The following XKRX variants were observed in gnomAD, a reference collection of about 807,000 sequenced individuals.
The protein encoded by XKRX is XK-related protein 2.
In XKRX, 11 loss-of-function variants were observed where a neutral mutation model predicts 22.4. The ratio of observed to expected loss-of-function variants is 0.49; its 90% CI spans 0.31 to 0.81. The LOEUF (loss-of-function observed/expected upper bound fraction) is 0.81. Ranked by LOEUF, XKRX falls within the 40% of genes least tolerant of loss-of-function variation. The probability of loss-of-function intolerance (pLI) is 0.05; values close to 1 mark genes in which losing one functional copy is unlikely to be tolerated. For missense variants in XKRX, 320 were observed against 336.5 expected (o/e 0.95, Z 0.38); for synonymous variants, 114 against 132.2 (o/e 0.86, Z 0.94).
chrX:100,943,574 T>A, the XKRX span, among the ~76,000 whole-genome samples: 1 of 111,523 alleles, frequency 9.0e-6, no homozygotes, highest in African/African-American at 3.3e-5. Context: ...CAGCTAATTT[T>A]TGTATTTTTA....
intron 2 of XKRX, among the ~76,000 whole-genome samples, chrX:100,920,517 TG>T (rs1447677284): frequency 1.8e-5 from 2 of 111,190 alleles, no homozygotes; most frequent in African/African-American, 6.5e-5. Flanking sequence ...ATATCTATTC[TG>T]TATGGTTTTT....
intron 2 of XKRX, among the ~76,000 whole-genome samples, chrX:100,920,521 T>C (rs1379171384): frequency 2.7e-5 from 3 of 111,182 alleles, no homozygotes; most frequent in Non-Finnish European, 5.7e-5. Flanking sequence ...CTATTCTGTA[T>C]GGTTTTTAAT....
chrX:100,941,741 A>G, the XKRX span, among the ~76,000 whole-genome samples: 2 of 111,571 alleles, frequency 1.8e-5, no homozygotes, highest in African/African-American at 6.5e-5. Context: ...TATTCTCCCT[A>G]TAAACATTGC....
the XKRX span, among the ~76,000 whole-genome samples, chrX:100,941,357 G>A: frequency 9.0e-6 from 1 of 111,729 alleles, no homozygotes; most frequent in Non-Finnish European, 1.9e-5. Flanking sequence ...GACCAGCCTG[G>A]CCAACATATA....
the XKRX span, among the ~76,000 whole-genome samples, chrX:100,936,553 AAAAAAAAAAAAAAAAAAG>A: frequency 9.8e-6 from 1 of 101,798 alleles, no homozygotes; most frequent in African/African-American, 3.7e-5. Flanking sequence ...AAAAAAAAAA[AAAAAAAAAAAAAAAAAAG>A]AAAAGAAAAG....
chrX:100,951,234 C>CA, the XKRX span, among the ~76,000 whole-genome samples: 8,303 of 25,005 alleles, frequency 0.33, 1,197 homozygotes, highest in Middle Eastern at 0.44. Context: ...GGCTCCATCG[C>CA]AAAAAAAAAA....
rs1489651638 is a variant in XKRX, at chrX:100,922,894, T to C, written c.503A>G (p.Tyr168Cys). 35 of 1,211,431 alleles carry C rather than the reference T, an allele frequency of 2.9e-5. No individual in the cohort carries two copies. The highest frequency in any genetic ancestry group is 3.9e-5 in the Non-Finnish European group (35 of 895,404). The change falls in exon 2 of 3, where the codon TAC (tyrosine) becomes TGC (cysteine). Residue 168 changes from tyrosine to cysteine, a missense_variant. Coordinates refer to ENST00000372956, the MANE Select transcript of XKRX (RefSeq NM_212559.3). ...IRTLAMHRNA[Y>C]KRMSQIQAFL... ...GGCTTGGATCTGTGACATACGTTTG[T>C]AGGCATTGCGGTGCATAGCCAGGGT...
chrX:100,911,198 C>T (rs1437170546), downstream of XKRX: 1 of 697,948 alleles, frequency 1.4e-6, no homozygotes, highest in African/African-American at 2.1e-5. Context: ...TATAAGAAAA[C>T]CACCTAAATA....
rs752368088 is a variant in XKRX at position 100,928,295 on chromosome X, C to G, written c.10G>C (p.Val4Leu). ...TTTGGCTCCTCAGGAATTTCATAAA[C>G]TCTGTCCATTGTCGAGGTTCTTTCT... is the stretch of plus-strand genomic sequence containing the variant. MDRVYEIPEEPNVD... is the reference protein window; with the variant it reads MDRLYEIPEEPNVD... The change falls in exon 1 of 3, where the codon GTT becomes CTT. Residue 4 changes from valine to leucine, a missense_variant. Transcript: ENST00000372956. The G allele has an allele frequency of 2.5e-6, 3 of 1,209,920 alleles. No homozygotes were observed. The highest frequency in any genetic ancestry group is 4.6e-4 in the Middle Eastern group (2 of 4,337).
At chrX:100,916,070 A>C in intron 2 of XKRX, among the ~76,000 whole-genome samples, 1 of 79,480 alleles carries the variant, frequency 1.3e-5, no homozygotes, top group Admixed American at 1.6e-4. Context: ...GTAGATCTTA[A>C]GTTTTACCAC....
intron 2 of XKRX, among the ~76,000 whole-genome samples, chrX:100,919,754 G>A (rs1259345830): frequency 8.9e-6 from 1 of 111,864 alleles, no homozygotes; most frequent in African/African-American, 3.2e-5. Flanking sequence ...TTGAGTTTAA[G>A]ATATGAAGAA....
chrX:100,887,604 C>T, the XKRX span: 1 of 634,626 alleles, frequency 1.6e-6, no homozygotes, highest in Non-Finnish European at 2.6e-6. Context: ...ACTTCTCTGG[C>T]TCTCCTCTCC....
At chrX:100,915,388 T>G (rs2085429364) in intron 2 of XKRX, among the ~76,000 whole-genome samples, 1 of 103,935 alleles carries the variant, frequency 9.6e-6, no homozygotes, top group Non-Finnish European at 2.0e-5. Flanking sequence ...TGGCTATTAT[T>G]AAAAAAAAAA....
At chrX:100,924,071 T>G (rs1486908101) in intron 1 of XKRX, among the ~76,000 whole-genome samples, 1 of 103,528 alleles carries the variant, frequency 9.7e-6, no homozygotes, top group African/African-American at 3.5e-5. Flanking sequence ...AGGCTGGTCT[T>G]GAACTCCTGA....
chrX:100,917,634 G>GAAAGAAAGAAAGAAAGA (rs1556193289), intron 2 of XKRX, among the ~76,000 whole-genome samples: 1 of 49,034 alleles, frequency 2.0e-5, no homozygotes, highest in African/African-American at 1.1e-4. Context: ...GAGAAAGAAA[G>GAAAGAAAGAAAGAAAGA]AAGAAAGAAA....
chrX:100,914,961 T>G lies in XKRX; in HGVS notation c.727A>C (p.Ile243Leu), dbSNP rs1170786371. ...ATCTCCAATGTCCGCCAGATGGTGATGCAGAGGACTTCTAGTGGCCCAAGG... is the reference window on the plus strand; with the variant it reads ...ATCTCCAATGTCCGCCAGATGGTGAGGCAGAGGACTTCTAGTGGCCCAAGG... ...IRLGPLEVLC[I>L]TIWRTLEITS... The change falls in exon 3 of 3, where the codon ATC (isoleucine) becomes CTC (leucine). Residue 243 changes from isoleucine (I) to leucine (L), a missense_variant. Physicochemically the swap from Ile to Leu is conservative, Grantham distance 5. Transcript: ENST00000372956. The G allele has an allele frequency of 8.3e-7, 1 of 1,211,978 alleles. No individual in the cohort carries two copies. Among genetic ancestry groups the G allele is most frequent in the Non-Finnish European group, 1.1e-6 (1 of 895,621 alleles).
At chrX:100,942,594 T>C in the XKRX span, among the ~76,000 whole-genome samples, 1 of 112,029 alleles carries the variant, frequency 8.9e-6, no homozygotes, top group African/African-American at 3.2e-5. Flanking sequence ...ACCCTGTACA[T>C]GAAAACCTAT....
the XKRX span, among the ~76,000 whole-genome samples, chrX:100,945,376 C>T: frequency 8.9e-6 from 1 of 112,071 alleles, no homozygotes; most frequent in Non-Finnish European, 1.9e-5. Context: ...GCCTTGGTCT[C>T]CCCAAGTGCT....
At chrX:100,890,865 T>C in the XKRX span, among the ~76,000 whole-genome samples, 1 of 111,561 alleles carries the variant, frequency 9.0e-6, no homozygotes, top group Non-Finnish European at 1.9e-5. Context: ...ATTGCACATA[T>C]TTTTAACAGA....
Sources: gnomAD v4.1 joint callset for allele counts (sites outside exome capture counted in the v4.1 genomes callset) on GRCh38, gnomAD v4.1.1 for gene constraint, MANE v1.5 for transcripts, NCBI Gene and HGNC (gene_info 2026-07-23, HGNC 2026-07-21) for gene names.